The following PKHD1 variants were observed in gnomAD, a reference collection of about 807,000 sequenced individuals.
PKHD1 encodes PKHD1 ciliary IPT domain containing fibrocystin/polyductin.
In PKHD1, 291 loss-of-function variants were observed where a neutral mutation model predicts 412.0. The observed-to-expected ratio is 0.71, with a 90% CI of 0.64 to 0.78. PKHD1 has a LOEUF of 0.78. PKHD1 is among the 30% of genes least tolerant of loss of function. PKHD1 has a pLI of 0.00. For missense variants in PKHD1, 4,825 were observed against 4,950.7 expected (o/e 0.97, Z 0.76); for synonymous variants, 1,777 against 1,821.5 (o/e 0.98, Z 0.62).
chr6:51,945,886 G>T (rs1789385307), intron 36 of PKHD1, among the ~76,000 whole-genome samples: 1 of 152,168 alleles, frequency 6.6e-6, no homozygotes, highest in African/African-American at 2.4e-5. Context: ...ACCTTCCCCA[G>T]TAGCTCTCAA....
chr6:51,999,812 C>T (rs1051122877), intron 35 of PKHD1, among the ~76,000 whole-genome samples: 1 of 152,138 alleles, frequency 6.6e-6, no homozygotes, highest in African/African-American at 2.4e-5. Flanking sequence ...TTTAACATGT[C>T]TAGTATAGAA....
intron 60 of PKHD1, among the ~76,000 whole-genome samples, chr6:51,707,199 G>C (rs1780112565): frequency 6.6e-6 from 1 of 152,120 alleles, no homozygotes; most frequent in African/African-American, 2.4e-5. Context: ...ACTGTCCCAA[G>C]AAAGAATGTT....
At chr6:51,640,102 T>C (rs969591035) in intron 63 of PKHD1, among the ~76,000 whole-genome samples, 2 of 152,224 alleles carry the variant, frequency 1.3e-5, no homozygotes, top group African/African-American at 2.4e-5. Context: ...TTAAAACCTA[T>C]ATGCATCAAA....
chr6:51,807,181 A>C (rs1380221079), intron 52 of PKHD1, among the ~76,000 whole-genome samples: 1 of 133,730 alleles, frequency 7.5e-6, no homozygotes, highest in Non-Finnish European at 1.6e-5. Flanking sequence ...TAATCGAAGC[A>C]CTTTGGGAGG....
At chr6:51,885,842 T>TAAC (rs773514448) in intron 45 of PKHD1, 25 bp downstream of exon 45, 20 of 1,429,310 alleles carry the variant, frequency 1.4e-5, no homozygotes, top group East Asian at 2.3e-5. Context: ...ACAACAACAA[T>TAAC]AACAACAACA....
chr6:52,067,752 T>A (rs1277417625), intron 11 of PKHD1, among the ~76,000 whole-genome samples: 1 of 152,118 alleles, frequency 6.6e-6, no homozygotes, highest in African/African-American at 2.4e-5. Context: ...ATGTTAAGTG[T>A]GGCTGGAGTA....
At chr6:51,901,852 A>G (rs1781359554) in intron 43 of PKHD1, among the ~76,000 whole-genome samples, 1 of 152,210 alleles carries the variant, frequency 6.6e-6, no homozygotes, top group South Asian at 2.1e-4. Context: ...AAGAAAGTAA[A>G]TGAAGGGAAA....
At chr6:51,622,204 A>G (rs754534701) in intron 66 of PKHD1, among the ~76,000 whole-genome samples, 13 of 152,218 alleles carry the variant, frequency 8.5e-5, no homozygotes, top group Non-Finnish European at 1.8e-4. Flanking sequence ...TCCAACTTCC[A>G]AAACTTTCTT....
chr6:51,968,157 C>T (rs1793114429), intron 35 of PKHD1, among the ~76,000 whole-genome samples: 2 of 152,292 alleles, frequency 1.3e-5, no homozygotes, highest in Non-Finnish European at 2.9e-5. Flanking sequence ...AAAGTATTCA[C>T]TGCCATCTGC....
intron 36 of PKHD1, among the ~76,000 whole-genome samples, chr6:51,958,550 C>T (rs1341340596): frequency 2.0e-5 from 3 of 152,202 alleles, no homozygotes; most frequent in East Asian, 1.9e-4. Flanking sequence ...AGTAACAGTA[C>T]ATCCAGAGAT....
chr6:51,943,409 C>CCCT (rs1788899863), intron 36 of PKHD1, among the ~76,000 whole-genome samples: 1 of 149,840 alleles, frequency 6.7e-6, no homozygotes, highest in Non-Finnish European at 1.5e-5. Flanking sequence ...AAAAAAAAAA[C>CCCT]TCATCATCCC....
intron 60 of PKHD1, among the ~76,000 whole-genome samples, chr6:51,674,925 T>G (rs1490308515): frequency 6.6e-6 from 1 of 152,178 alleles, no homozygotes; most frequent in Non-Finnish European, 1.5e-5. Flanking sequence ...CAAGTAATAT[T>G]AATTATCCAC....
intron 43 of PKHD1, among the ~76,000 whole-genome samples, chr6:51,887,463 AT>A (rs2127558143): frequency 6.6e-6 from 1 of 152,202 alleles, no homozygotes; most frequent in East Asian, 1.9e-4. Flanking sequence ...CTCAGGTTGA[AT>A]TGTAATCCCC....
At chr6:51,930,061 G>A (rs531114013) in intron 37 of PKHD1, among the ~76,000 whole-genome samples, 154 of 152,242 alleles carry the variant, frequency 1.0e-3, no homozygotes, top group Non-Finnish European at 1.7e-3. Context: ...CCGTAATTAC[G>A]TTGTCAAAAA....
At chr6:51,805,709 G>A (rs1402599347) in intron 52 of PKHD1, among the ~76,000 whole-genome samples, 1 of 152,062 alleles carries the variant, frequency 6.6e-6, no homozygotes, top group African/African-American at 2.4e-5. Flanking sequence ...CCACTAAGGG[G>A]AAATGAAAGA....
chr6:52,058,686 T>C, intron 15 of PKHD1, 85 bp from the exon 16 acceptor site: 2 of 1,377,840 alleles, frequency 1.5e-6, no homozygotes, highest in Admixed American at 1.7e-5. Context: ...GAACTGCTAC[T>C]ATCAAGAGAG....
chr6:51,673,820 C>G (rs868303989), intron 60 of PKHD1, among the ~76,000 whole-genome samples: 2 of 152,154 alleles, frequency 1.3e-5, no homozygotes, highest in Non-Finnish European at 2.9e-5. Flanking sequence ...AGAGTGGAAT[C>G]TTTAGAAGAT....
At chr6:52,082,187 G>A (rs1812132833) in intron 4 of PKHD1, among the ~76,000 whole-genome samples, 1 of 151,946 alleles carries the variant, frequency 6.6e-6, no homozygotes, top group African/African-American at 2.4e-5. Flanking sequence ...ATATCTCAAA[G>A]TTCTTCCCCA....
intron 14 of PKHD1, 78 bp downstream of exon 14, chr6:52,062,440 CT>C (rs1261869317): frequency 3.5e-6 from 5 of 1,411,832 alleles, no homozygotes; most frequent in Non-Finnish European, 4.0e-6. Flanking sequence ...ATCTTGATAC[CT>C]TCCTTATCTG....
Sources: gnomAD v4.1 joint callset for allele counts (sites outside exome capture counted in the v4.1 genomes callset) on GRCh38, gnomAD v4.1.1 for gene constraint, MANE v1.5 for transcripts, NCBI Gene and HGNC (gene_info 2026-07-23, HGNC 2026-07-21) for gene names.